The following PPIL6 variants were observed in gnomAD, a reference collection of about 807,000 sequenced individuals.
The protein encoded by PPIL6 is peptidylprolyl isomerase like 6, also known as probable inactive peptidyl-prolyl cis-trans isomerase-like 6.
PPIL6 carries 39 observed loss-of-function variants against 36.8 expected under a neutral mutation model. The observed-to-expected ratio is 1.06, with a 90% CI of 0.82 to 1.38. The LOEUF (loss-of-function observed/expected upper bound fraction) is 1.38, where lower values mean the gene tolerates loss of function less well. Among genes scored for constraint, PPIL6 ranks in the 40% most tolerant of loss-of-function variants. The probability of loss-of-function intolerance (pLI) is 0.00; values close to 1 mark genes in which losing one functional copy is unlikely to be tolerated. For missense variants in PPIL6, 368 were observed against 379.1 expected (o/e 0.97, Z 0.24); for synonymous variants, 123 against 134.1 (o/e 0.92, Z 0.57).
chr6:109,406,389 T>C (rs575625567), intron 6 of PPIL6, among the ~76,000 whole-genome samples: 1 of 152,222 alleles, frequency 6.6e-6, no homozygotes, highest in South Asian at 2.1e-4. Context: ...TATGTCGCAA[T>C]ACAACAGAAC....
chr6:109,439,479 C>T (rs1187912326), intron 1 of PPIL6, among the ~76,000 whole-genome samples: 2 of 152,178 alleles, frequency 1.3e-5, no homozygotes, highest in African/African-American at 4.8e-5. Context: ...GCCTCAGCCT[C>T]CTGAGTAGCT....
At chr6:109,423,295 A>AGGTG (rs1484247200) in intron 5 of PPIL6, among the ~76,000 whole-genome samples, 2 of 152,166 alleles carry the variant, frequency 1.3e-5, no homozygotes, top group Non-Finnish European at 2.9e-5. Flanking sequence ...TGAACCCCAG[A>AGGTG]GGTGGAGGTT....
upstream of PPIL6, chr6:109,441,130 C>A (rs1582621897): frequency 1.9e-6 from 3 of 1,614,204 alleles, no homozygotes; most frequent in Non-Finnish European, 2.5e-6. Context: ...CCATGAAGCC[C>A]AACTTCTCCC....
rs1772125410 is a variant in PPIL6, at chr6:109,392,300, G to T, written c.*526C>A. 6.6e-6 allele frequency: 1 copy of T among 152,494 alleles called. No homozygotes were observed. Among genetic ancestry groups the T allele is most frequent in the African/African-American group, 2.4e-5 (1 of 41,442 alleles). 9.4% of individuals were successfully genotyped at this position (152,494 alleles called of 1,614,324 possible). On this transcript the variant is annotated 3_prime_UTR_variant, in exon 8 of 8. Coordinates refer to ENST00000521072, the MANE Select transcript of PPIL6 (RefSeq NM_173672.5). The stretch of plus-strand genomic sequence containing the variant: ...TTCTTCTGCCTCAGCTTCCCAAGTA[G>T]CTGGGACTACAAGTGCATGCCACCA...
chr6:109,440,603 G>T lies in PPIL6; in HGVS notation c.-13C>A. The T allele has an allele frequency of 7.5e-7, 1 of 1,333,736 alleles. No individual in the cohort carries two copies. Among genetic ancestry groups the T allele is most frequent in the Non-Finnish European group, 9.6e-7 (1 of 1,044,118 alleles). 82.6% of individuals were successfully genotyped at this position (1,333,736 alleles called of 1,614,324 possible). On this transcript the variant is annotated 5_prime_UTR_variant, in exon 1 of 8. Coordinates refer to ENST00000521072, the MANE Select transcript of PPIL6 (RefSeq NM_173672.5). Reference sequence around the variant, plus strand: ...GCGGCCTTGCCATGGCCGCGCCCGGGGACGCCCGGTGACCCCAAACACTGC... The same window carrying T: ...GCGGCCTTGCCATGGCCGCGCCCGGTGACGCCCGGTGACCCCAAACACTGC...
At position 109,431,297 on chromosome 6, in the gene PPIL6, C is replaced by T; in HGVS notation, c.280G>A (p.Val94Ile). ...GCATCACCCAGAAACTGACCATTAA[C>T]AAAAGAAATCACAGAGGAAGAATAT... ...WEYSSSVISF[V>I]NGQFLGDALD... Residue 94 changes from valine to isoleucine, a missense_variant, in exon 3 of 8, where the codon GTT becomes ATT. By Grantham distance (29) the Val-to-Ile change is conservative. Transcript: ENST00000521072. The T allele has an allele frequency of 6.6e-7, 1 of 1,515,942 alleles. No individual in the cohort carries two copies. Among genetic ancestry groups the T allele is most frequent in the Non-Finnish European group, 8.8e-7 (1 of 1,134,334 alleles). 93.9% of individuals were successfully genotyped at this position (1,515,942 alleles called of 1,614,324 possible). A position where few individuals can be genotyped will look rare whatever the true frequency, so the allele number is the denominator to read the frequency against.
intron 3 of PPIL6, among the ~76,000 whole-genome samples, chr6:109,429,216 A>G (rs1773992021): frequency 6.6e-6 from 1 of 152,166 alleles, no homozygotes; most frequent in Non-Finnish European, 1.5e-5. Context: ...TCGGGCTTTC[A>G]TTATGTCCAG....
chr6:109,439,443 G>C (rs1005558765), intron 1 of PPIL6, among the ~76,000 whole-genome samples: 4 of 152,240 alleles, frequency 2.6e-5, no homozygotes, highest in Non-Finnish European at 4.4e-5. Context: ...TGCAAACTCC[G>C]CCTCCCGGGT....
intron 7 of PPIL6, among the ~76,000 whole-genome samples, chr6:109,395,420 C>G (rs992687550): frequency 2.6e-5 from 4 of 151,312 alleles, no homozygotes; most frequent in African/African-American, 9.7e-5. Context: ...AAAAAAAAAC[C>G]CTTAATTAGA....
chr6:109,427,762 C>T (rs1773902472), intron 3 of PPIL6, among the ~76,000 whole-genome samples: 1 of 152,156 alleles, frequency 6.6e-6, no homozygotes, highest in East Asian at 1.9e-4. Context: ...AGGAGTGAAA[C>T]ACATGGCCTA....
At chr6:109,439,261 T>C (rs1269420614) in intron 1 of PPIL6, among the ~76,000 whole-genome samples, 1 of 152,244 alleles carries the variant, frequency 6.6e-6, no homozygotes, top group East Asian at 1.9e-4. Context: ...TAATAAAAGG[T>C]TGCTGATCCC....
chr6:109,421,148 C>T (rs892088442), intron 5 of PPIL6, among the ~76,000 whole-genome samples: 1 of 152,240 alleles, frequency 6.6e-6, no homozygotes, highest in Non-Finnish European at 1.5e-5. Context: ...CCCTCCCTCC[C>T]ACACCCACCA....
chr6:109,400,796 G>A (rs1425022540), intron 6 of PPIL6, among the ~76,000 whole-genome samples: 4 of 152,088 alleles, frequency 2.6e-5, no homozygotes, highest in African/African-American at 9.7e-5. Flanking sequence ...CCCATTCCAT[G>A]TAGTTTAAAA....
chr6:109,395,877 C>T (rs1318713177), intron 7 of PPIL6, among the ~76,000 whole-genome samples: 3 of 141,292 alleles, frequency 2.1e-5, no homozygotes, highest in Middle Eastern at 4.3e-3. Context: ...ACCCTGTCAC[C>T]AAGTCTGTAG....
At chr6:109,428,006 C>T (rs184526939) in intron 3 of PPIL6, among the ~76,000 whole-genome samples, 4 of 152,274 alleles carry the variant, frequency 2.6e-5, no homozygotes, top group Admixed American at 2.6e-4. Context: ...ATATCCATAG[C>T]AGGTGTAGCA....
At chr6:109,417,150 A>G (rs976973681) in intron 6 of PPIL6, among the ~76,000 whole-genome samples, 3 of 151,568 alleles carry the variant, frequency 2.0e-5, no homozygotes, top group African/African-American at 7.3e-5. Flanking sequence ...AGCCTGGACG[A>G]CAAAGTGAGA....
At chr6:109,407,278 C>T (rs186164147) in intron 6 of PPIL6, among the ~76,000 whole-genome samples, 70 of 149,978 alleles carry the variant, frequency 4.7e-4, no homozygotes, top group Middle Eastern at 3.5e-3. Flanking sequence ...CTCGCTCTTT[C>T]GCCCAGGCCG....
intron 5 of PPIL6, among the ~76,000 whole-genome samples, chr6:109,425,748 T>TAA (rs1773782524): frequency 1.3e-5 from 1 of 78,020 alleles, no homozygotes; most frequent in Admixed American, 1.4e-4. Flanking sequence ...AGACTCCGTT[T>TAA]CAAAAAAAAA....
In PPIL6 at chr6:109,427,092, A is replaced by G; in HGVS notation, c.483+2T>C. The G allele has an allele frequency of 2.5e-6, 4 of 1,608,774 alleles. No homozygotes were observed. Among genetic ancestry groups the G allele is most frequent in the Non-Finnish European group, 3.4e-6 (4 of 1,175,654 alleles). ...AAACTTACATATAAAAAAAAGTATC[A>G]CCTCAAAAATCAATCTTCCAATTGG... On this transcript the variant is annotated splice_donor_variant, in intron 4 of 7. Coordinates refer to ENST00000521072, the MANE Select transcript of PPIL6 (RefSeq NM_173672.5). LOFTEE classifies it high-confidence loss of function.
Sources: gnomAD v4.1 joint callset for allele counts (sites outside exome capture counted in the v4.1 genomes callset) on GRCh38, gnomAD v4.1.1 for gene constraint, MANE v1.5 for transcripts, NCBI Gene and HGNC (gene_info 2026-07-23, HGNC 2026-07-21) for gene names.